Variants in SNRPN observed in about 807,000 individuals in gnomAD.
SNRPN encodes the protein small nuclear ribonucleoprotein polypeptide N.
Under a neutral mutation model 25.2 loss-of-function variants are expected in SNRPN, and 7 were observed. That is an observed-to-expected ratio of 0.28 (90% CI 0.16 to 0.52). The LOEUF is 0.52. Ranked by LOEUF, SNRPN falls within the 20% of genes least tolerant of loss-of-function variation. The probability of loss-of-function intolerance (pLI) is 0.96; values close to 1 mark genes in which losing one functional copy is unlikely to be tolerated. For synonymous variants in SNRPN, 124 were observed against 110.6 expected, an observed-to-expected ratio of 1.12 and a Z score of -0.76; for missense variants, 196 against 322.5, an observed-to-expected ratio of 0.61 and a Z score of 3.00.
At chr15:24,857,177 G>C (rs558327110) in intron 1 of SNRPN, among the ~76,000 whole-genome samples, 1 of 151,684 alleles carries the variant, frequency 6.6e-6, no homozygotes. Context: ...ATTAATTTGT[G>C]TAGACAGAAC....
intron 3 of SNRPN, among the ~76,000 whole-genome samples, chr15:24,969,014 G>A (rs572850914): frequency 1.7e-4 from 26 of 152,160 alleles, no homozygotes; most frequent in Non-Finnish European, 3.5e-4. Context: ...TAAGAGCAGA[G>A]AGGAATTGGG....
At chr15:24,932,648 G>GTTT (rs71127027) in intron 3 of SNRPN, among the ~76,000 whole-genome samples, 13 of 145,080 alleles carry the variant, frequency 9.0e-5, no homozygotes, top group South Asian at 2.2e-4. Context: ...GTCTGTAAAT[G>GTTT]TTTTTTTTTT....
At chr15:24,864,323 C>T (rs1337282812) in intron 1 of SNRPN, among the ~76,000 whole-genome samples, 2 of 146,762 alleles carry the variant, frequency 1.4e-5, no homozygotes, top group Middle Eastern at 3.6e-3. Flanking sequence ...CCGCCGCTCC[C>T]GGCCCCTCTT....
intron 4 of SNRPN, chr15:24,974,845 T>C (rs2076884172): frequency 1.4e-6 from 1 of 692,242 alleles, no homozygotes; most frequent in Non-Finnish European, 2.6e-6. Flanking sequence ...AGGCATGAGA[T>C]GAGCCACTGT....
intron 1 of SNRPN, among the ~76,000 whole-genome samples, chr15:24,874,424 G>C (rs987848314): frequency 6.6e-6 from 1 of 151,744 alleles, no homozygotes; most frequent in African/African-American, 2.4e-5. Flanking sequence ...ATGAGCTTTG[G>C]TTCTCAGGCT....
rs1444038831 is a variant in SNRPN at position 24,938,177 on chromosome 15, A to G, written c.-391+18053A>G. ...CCAGGCTGGAGTCCAGTGCCACGCC[A>G]TGATCTCGGCTCACTGCAACCTCCA... On this transcript the variant is annotated intron_variant, in intron 3 of 11. Transcript: ENST00000400097. Among the ~76,000 whole-genome samples the G allele has an allele frequency of 3.4e-5, 5 of 146,428 alleles. No homozygotes were observed. The South Asian group carries it at 8.6e-4, about 25-fold the overall frequency.
At chr15:24,930,686 G>A (rs1048765677) in intron 3 of SNRPN, among the ~76,000 whole-genome samples, 11 of 151,442 alleles carry the variant, frequency 7.3e-5, no homozygotes, top group Non-Finnish European at 8.8e-5. Flanking sequence ...TGGATCCCGA[G>A]GTCAGGAGTT....
At chr15:24,888,620 G>T (rs767495209) in intron 2 of SNRPN, among the ~76,000 whole-genome samples, 5 of 152,088 alleles carry the variant, frequency 3.3e-5, no homozygotes, top group Non-Finnish European at 7.4e-5. Context: ...GCTGCATTCA[G>T]TCCCTTTCTT....
chr15:24,889,587 G>C (rs1177117170), intron 2 of SNRPN, among the ~76,000 whole-genome samples: 3 of 151,982 alleles, frequency 2.0e-5, no homozygotes, highest in Admixed American at 2.0e-4. Context: ...TTACAGGCAT[G>C]AGCCACCGTG....
At chr15:24,969,893 A>G (rs1566969010) in intron 3 of SNRPN, among the ~76,000 whole-genome samples, 3 of 152,208 alleles carry the variant, frequency 2.0e-5, no homozygotes, top group Non-Finnish European at 4.4e-5. Context: ...CTTTGGCCAC[A>G]TTGGTGCTAC....
intron 2 of SNRPN, among the ~76,000 whole-genome samples, chr15:24,902,446 A>T (rs2058523307): frequency 6.6e-6 from 1 of 152,208 alleles, no homozygotes; most frequent in African/African-American, 2.4e-5. Context: ...TCCAGGAAAG[A>T]AACTAAGTAT....
At chr15:24,903,927 G>T (rs1176425560) in intron 2 of SNRPN, among the ~76,000 whole-genome samples, 1 of 151,912 alleles carries the variant, frequency 6.6e-6, no homozygotes, top group Non-Finnish European at 1.5e-5. Context: ...CCAGGTATTT[G>T]GGAGACTGAG....
chr15:24,977,469 A>G (rs1381336579), intron 7 of SNRPN, among the ~76,000 whole-genome samples: 1 of 152,034 alleles, frequency 6.6e-6, no homozygotes, highest in African/African-American at 2.4e-5. Context: ...TGAAAACCCT[A>G]TCTCTACTAA....
intron 1 of SNRPN, among the ~76,000 whole-genome samples, chr15:24,863,413 C>T (rs910358274): frequency 4.7e-5 from 7 of 149,712 alleles, no homozygotes; most frequent in Non-Finnish European, 1.0e-4. Flanking sequence ...TGGTGGTGGG[C>T]AGTGTGCAGC....
At chr15:24,863,272 A>AC (rs1204054837) in intron 1 of SNRPN, among the ~76,000 whole-genome samples, 1 of 150,682 alleles carries the variant, frequency 6.6e-6, no homozygotes, top group Non-Finnish European at 1.5e-5. Flanking sequence ...GCTCATGGCC[A>AC]CCTTGCATCA....
chr15:24,903,402 G>GTA (rs1478202928), intron 2 of SNRPN, among the ~76,000 whole-genome samples: 9 of 152,236 alleles, frequency 5.9e-5, no homozygotes, highest in Non-Finnish European at 4.4e-5. Flanking sequence ...AGGCAAAAGC[G>GTA]TAGAGGGTTT....
chr15:24,852,302 T>G (rs1032749840), upstream of SNRPN: 4 of 152,236 alleles, frequency 2.6e-5, no homozygotes, highest in Admixed American at 6.5e-5. Flanking sequence ...TACAATATTA[T>G]ATCTTTTCTT....
intron 2 of SNRPN, chr15:24,909,418 A>G: frequency 6.3e-7 from 1 of 1,594,884 alleles, no homozygotes; most frequent in Non-Finnish European, 8.5e-7. Context: ...GCTGACCATC[A>G]ATGCTTTCCA....
chr15:24,966,554 G>C (rs964358833), intron 2 of SNRPN, among the ~76,000 whole-genome samples: 1 of 152,084 alleles, frequency 6.6e-6, no homozygotes, highest in Non-Finnish European at 1.5e-5. Flanking sequence ...TTTAGTCTTT[G>C]TTTGATCTTT....
Sources: gnomAD v4.1 joint callset for allele counts (sites outside exome capture counted in the v4.1 genomes callset) on GRCh38, gnomAD v4.1.1 for gene constraint, MANE v1.5 for transcripts, NCBI Gene and HGNC (gene_info 2026-07-23, HGNC 2026-07-21) for gene names.